CSRNP3: variants seen among roughly 807,000 people sequenced by gnomAD.
The protein encoded by CSRNP3 is cysteine and serine rich nuclear protein 3.
CSRNP3 carries 12 observed loss-of-function variants against 48.0 expected under a neutral mutation model. The observed-to-expected ratio is 0.25, with a 90% confidence interval of 0.16 to 0.41. The LOEUF (loss-of-function observed/expected upper bound fraction) is 0.41. CSRNP3 is among the 10% of genes least tolerant of loss of function. The probability of loss-of-function intolerance (pLI) is 1.00; values close to 1 mark genes in which losing one functional copy is unlikely to be tolerated. For synonymous variants in CSRNP3, 263 were observed against 269.7 expected (o/e 0.98, Z 0.24); for missense variants, 580 against 724.4 (o/e 0.80, Z 2.29).
chr2:165,561,839 G>T (rs2105267477), intron 3 of CSRNP3, among the ~76,000 whole-genome samples: 1 of 152,112 alleles, frequency 6.6e-6, no homozygotes, highest in East Asian at 1.9e-4. Flanking sequence ...GGTTTAACTG[G>T]GATGGGCAGG....
chr2:165,470,624 T>A (rs1683881504), intron 1 of CSRNP3, among the ~76,000 whole-genome samples: 1 of 152,010 alleles, frequency 6.6e-6, no homozygotes, highest in Non-Finnish European at 1.5e-5. Flanking sequence ...ATATGGTCCT[T>A]TATATTGCCT....
In CSRNP3 at chr2:165,502,647, A is replaced by T. The variant is rs143229597; in HGVS notation, c.-113+7719A>T. Among the ~76,000 whole-genome samples, 240 of 152,066 alleles carry T rather than the reference A, an allele frequency of 1.6e-3. 3 individuals carry two copies. The highest frequency in any genetic ancestry group is 5.5e-3 in the African/African-American group (228 of 41,534). On this transcript the variant is annotated intron_variant, in intron 2 of 6. Coordinates refer to ENST00000651982, the MANE Select transcript of CSRNP3 (RefSeq NM_001172173.2). ...TGAGTGCATATTTCCTCAACACCTT[A>T]CCAAACACCTTACCAAAACTAGTTA...
intron 4 of CSRNP3, among the ~76,000 whole-genome samples, chr2:165,596,679 G>C (rs1316201938): frequency 6.6e-6 from 1 of 152,164 alleles, no homozygotes; most frequent in African/African-American, 2.4e-5. Flanking sequence ...TATGAAATGA[G>C]CTTGTGCTTT....
intron 3 of CSRNP3, among the ~76,000 whole-genome samples, chr2:165,520,784 TATATATATA>T (rs1684645193): frequency 1.6e-3 from 5 of 3,212 alleles, no homozygotes; most frequent in African/African-American, 9.2e-3. Context: ...ATATATATAT[TATATATATA>T]TATATATATA....
At chr2:165,647,572 A>G (rs1285489311) in intron 4 of CSRNP3, among the ~76,000 whole-genome samples, 4 of 152,206 alleles carry the variant, frequency 2.6e-5, no homozygotes, top group Non-Finnish European at 4.4e-5. Flanking sequence ...ATGGTTCTCA[A>G]CAGTAATGAC....
At chr2:165,609,000 A>C (rs1686082309) in intron 4 of CSRNP3, among the ~76,000 whole-genome samples, 3 of 146,170 alleles carry the variant, frequency 2.1e-5, no homozygotes, top group Non-Finnish European at 4.5e-5. Flanking sequence ...CCAGCTACTT[A>C]GGAGGCTGAG....
chr2:165,481,516 C>T (rs191982906), intron 1 of CSRNP3, among the ~76,000 whole-genome samples: 11 of 152,256 alleles, frequency 7.2e-5, no homozygotes, highest in Admixed American at 3.9e-4. Flanking sequence ...GCATCCTCAA[C>T]AGGAAGACTT....
In CSRNP3 at chr2:165,684,280, T is replaced by C. The variant is rs1573969178; in HGVS notation, c.*4527T>C. On this transcript the variant is annotated 3_prime_UTR_variant, in exon 7 of 7. Transcript: ENST00000651982. ...AGTTACAAACCATCAAATTAGCAGG[T>C]GGAAAATTTATATTCTCAGAAGCCA... 6.6e-6 allele frequency: 1 copy of C among 152,116 alleles called. No individual in the cohort carries two copies. The highest frequency in any genetic ancestry group is 2.4e-5 in the African/African-American group (1 of 41,456). The allele number at this position is 152,116 out of a possible 1,614,324, so 9.4% of individuals were successfully genotyped here. A position where few individuals can be genotyped will look rare whatever the true frequency, so the allele number is the denominator to read the frequency against.
chr2:165,581,261 C>G (rs1036067862), intron 3 of CSRNP3, among the ~76,000 whole-genome samples: 2 of 152,164 alleles, frequency 1.3e-5, no homozygotes, highest in African/African-American at 4.8e-5. Flanking sequence ...CAATGGCACA[C>G]AAGTGCAGGT....
chr2:165,568,600 G>T (rs1685328105), intron 3 of CSRNP3, among the ~76,000 whole-genome samples: 1 of 152,024 alleles, frequency 6.6e-6, no homozygotes, highest in African/African-American at 2.4e-5. Context: ...TGTTTCAAGA[G>T]GCTCAAGTGG....
intron 3 of CSRNP3, among the ~76,000 whole-genome samples, chr2:165,532,369 G>A (rs1452973051): frequency 8.5e-4 from 129 of 152,170 alleles, no homozygotes; most frequent in African/African-American, 2.8e-3. Context: ...CCATGATCAA[G>A]TGGGCTTCAT....
chr2:165,523,886 T>C (rs1380654885), intron 3 of CSRNP3, among the ~76,000 whole-genome samples: 2 of 152,232 alleles, frequency 1.3e-5, no homozygotes, highest in African/African-American at 4.8e-5. Flanking sequence ...ATTCTATTGC[T>C]CTTTGGTTCT....
intron 3 of CSRNP3, among the ~76,000 whole-genome samples, chr2:165,554,143 G>C (rs145629625): frequency 6.6e-6 from 1 of 152,070 alleles, no homozygotes. Flanking sequence ...CACAATCCCC[G>C]CTACTCCTCA....
At position 165,679,835 on chromosome 2, in the gene CSRNP3, A is replaced by G; in HGVS notation, c.*82A>G. 6.6e-7 allele frequency: 1 copy of G among 1,517,544 alleles called. No individual in the cohort carries two copies. The highest frequency in any genetic ancestry group is 8.8e-7 in the Non-Finnish European group (1 of 1,136,502). The allele number at this position is 1,517,544 out of a possible 1,614,324, so 94.0% of individuals were successfully genotyped here. A position where few individuals can be genotyped will look rare whatever the true frequency, so the allele number is the denominator to read the frequency against. On this transcript the variant is annotated 3_prime_UTR_variant, in exon 7 of 7. Transcript: ENST00000651982. ...GGATTTCCTGGGCTCATCATTGTTT[A>G]AACTGAAGACCAAGAAAACTTGGAC...
rs913272554 is a variant in CSRNP3 at position 165,680,678 on chromosome 2, T to G, written c.*925T>G. 2 of 152,400 alleles carry G rather than the reference T, an allele frequency of 1.3e-5. No individual in the cohort carries two copies. The highest frequency in any genetic ancestry group is 2.9e-5 in the Non-Finnish European group (2 of 68,018). 9.4% of individuals were successfully genotyped at this position (152,400 alleles called of 1,614,324 possible). On this transcript the variant is annotated 3_prime_UTR_variant, in exon 7 of 7. Coordinates refer to ENST00000651982, the MANE Select transcript of CSRNP3 (RefSeq NM_001172173.2). ...TGTGGGGTGGGGACTGAGAACTCTT[T>G]GAGATGAAAAAATTTAAAAAAAAAT...
rs1171791787 is a variant in CSRNP3 at position 165,684,427 on chromosome 2, A to T, written c.*4674A>T. On this transcript the variant is annotated 3_prime_UTR_variant, in exon 7 of 7. Transcript: ENST00000651982. ...CTTGATGACAGTTTGCAGTGCCATT[A>T]TAGCCAGTGTATTAAATACCAGGCT... 2 of 152,138 alleles carry T rather than the reference A, an allele frequency of 1.3e-5. No homozygotes were observed. The highest frequency in any genetic ancestry group is 1.3e-4 in the Admixed American group (2 of 15,252). The allele number at this position is 152,138 out of a possible 1,614,324, so 9.4% of individuals were successfully genotyped here.
intron 3 of CSRNP3, among the ~76,000 whole-genome samples, chr2:165,566,338 T>G (rs10176720): frequency 0.034 from 5,098 of 151,976 alleles, 158 homozygotes; most frequent in African/African-American, 0.087. Flanking sequence ...AAAGAACTCC[T>G]ACTCATTCCT....
At chr2:165,579,764 A>G (rs1008861274) in intron 3 of CSRNP3, among the ~76,000 whole-genome samples, 1 of 152,168 alleles carries the variant, frequency 6.6e-6, no homozygotes, top group Non-Finnish European at 1.5e-5. Context: ...TATTGAATCA[A>G]TTGATTTAGT....
At chr2:165,674,856 A>G (rs1210150831) in intron 5 of CSRNP3, among the ~76,000 whole-genome samples, 4 of 151,216 alleles carry the variant, frequency 2.6e-5, no homozygotes, top group Non-Finnish European at 1.5e-5. Context: ...GACTACAGGC[A>G]CCCACCACCA....
Sources: allele counts gnomAD v4.1 joint callset (sites outside exome capture counted in the v4.1 genomes callset), GRCh38; gene constraint gnomAD v4.1.1; transcripts MANE v1.5; gene names NCBI Gene and HGNC (gene_info 2026-07-23, HGNC 2026-07-21).